CNTNAP5: variants seen among roughly 807,000 people sequenced by gnomAD.
The protein encoded by CNTNAP5 is contactin associated protein family member 5.
CNTNAP5 carries 72 observed loss-of-function variants against 150.2 expected under a neutral mutation model. The observed-to-expected ratio is 0.48, with a 90% CI of 0.40 to 0.58. The LOEUF is 0.58. Ranked by LOEUF, CNTNAP5 falls within the 20% of genes least tolerant of loss-of-function variation. CNTNAP5 has a pLI of 0.00. For missense variants in CNTNAP5, 1,636 were observed against 1,626.2 expected (o/e 1.01, Z -0.10); for synonymous variants, 672 against 619.8 (o/e 1.08, Z -1.25).
At chr2:124,319,793 G>T (rs1457941577) in intron 3 of CNTNAP5, among the ~76,000 whole-genome samples, 1 of 152,144 alleles carries the variant, frequency 6.6e-6, no homozygotes, top group African/African-American at 2.4e-5. Context: ...ATTCAGAAAG[G>T]AAGGGGGTTG....
intron 12 of CNTNAP5, among the ~76,000 whole-genome samples, chr2:124,632,431 T>C (rs962184823): frequency 2.0e-5 from 3 of 152,092 alleles, no homozygotes; most frequent in Non-Finnish European, 4.4e-5. Flanking sequence ...AAAGCTGTTA[T>C]CCTCAGCAAA....
At chr2:124,336,098 G>A (rs910685435) in intron 3 of CNTNAP5, among the ~76,000 whole-genome samples, 1 of 151,952 alleles carries the variant, frequency 6.6e-6, no homozygotes, top group Non-Finnish European at 1.5e-5. Flanking sequence ...TTTTTTATGA[G>A]AAATGAATGG....
chr2:124,281,276 T>C lies in CNTNAP5; in HGVS notation c.381+38883T>C, dbSNP rs537119591. On this transcript the variant is annotated intron_variant, in intron 3 of 23. Transcript: ENST00000682447. ...CCTTCTCCTGCCTCATTAGAGAAAA[T>C]TGGTATGAAGATTAAAAGAAGTCTA... is the stretch of plus-strand genomic sequence containing the variant. Among the ~76,000 whole-genome samples the C allele has an allele frequency of 5.3e-5, 8 of 152,102 alleles. No homozygotes were observed. The South Asian group carries it at 1.7e-3, about 32-fold the overall frequency.
intron 6 of CNTNAP5, among the ~76,000 whole-genome samples, chr2:124,452,976 C>A (rs181526557): frequency 1.4e-4 from 21 of 152,180 alleles, no homozygotes; most frequent in African/African-American, 4.6e-4. Context: ...TTCTTTAACA[C>A]CCCCCAAAAA....
chr2:124,035,781 C>T (rs953196220), intron 1 of CNTNAP5, among the ~76,000 whole-genome samples: 2 of 152,150 alleles, frequency 1.3e-5, no homozygotes, highest in Non-Finnish European at 2.9e-5. Flanking sequence ...ATCCCAGGGG[C>T]AAAGGCTTCA....
At chr2:124,284,074 G>A (rs546388251) in intron 3 of CNTNAP5, among the ~76,000 whole-genome samples, 69 of 152,194 alleles carry the variant, frequency 4.5e-4, no homozygotes, top group African/African-American at 1.3e-3. Flanking sequence ...GAGAATATGC[G>A]GTGTTTGGTT....
In CNTNAP5 at chr2:124,563,261, C is replaced by T. The variant is rs1328828914; in HGVS notation, c.1694C>T (p.Ser565Phe). ...YCEHGGSCSQ[S>F]WTTFYCNCSD... ...GAACATGGAGGAAGCTGCTCCCAGT[C>T]CTGGACTACCTTCTATTGTAACTGC... Residue 565 changes from serine to phenylalanine, a missense_variant, in exon 11 of 24, where the codon TCC becomes TTC. Transcript: ENST00000682447. 8 of 1,592,380 alleles carry T rather than the reference C, an allele frequency of 5.0e-6. No individual in the cohort carries two copies. Among genetic ancestry groups the T allele is most frequent in the Non-Finnish European group, 6.8e-6 (8 of 1,168,656 alleles).
At chr2:124,707,741 A>G (rs1679721982) in intron 13 of CNTNAP5, among the ~76,000 whole-genome samples, 1 of 152,116 alleles carries the variant, frequency 6.6e-6, no homozygotes, top group African/African-American at 2.4e-5. Flanking sequence ...TTTCTGTAAA[A>G]TGGGCATCTC....
At chr2:124,891,555 A>G (rs1027571165) in intron 21 of CNTNAP5, among the ~76,000 whole-genome samples, 1 of 152,128 alleles carries the variant, frequency 6.6e-6, no homozygotes, top group African/African-American at 2.4e-5. Flanking sequence ...CCCAAAAGAT[A>G]TCATGTAATC....
intron 11 of CNTNAP5, among the ~76,000 whole-genome samples, chr2:124,591,721 T>C (rs1696687668): frequency 6.6e-6 from 1 of 152,128 alleles, no homozygotes; most frequent in African/African-American, 2.4e-5. Context: ...GGTGGGAACA[T>C]TTATGGTGTC....
intron 1 of CNTNAP5, among the ~76,000 whole-genome samples, chr2:124,171,830 GAATA>G (rs1482830352): frequency 6.6e-6 from 1 of 152,128 alleles, no homozygotes; most frequent in Non-Finnish European, 1.5e-5. Flanking sequence ...CAGCAAATAG[GAATA>G]CTATGACTCC....
intron 11 of CNTNAP5, among the ~76,000 whole-genome samples, chr2:124,601,862 G>A (rs1248525340): frequency 1.3e-5 from 2 of 152,136 alleles, no homozygotes; most frequent in African/African-American, 4.8e-5. Context: ...CACAAAGCTT[G>A]AATGGATCTC....
At chr2:124,401,018 C>T (rs1396895442) in intron 3 of CNTNAP5, among the ~76,000 whole-genome samples, 2 of 152,210 alleles carry the variant, frequency 1.3e-5, no homozygotes, top group African/African-American at 2.4e-5. Context: ...ATTACAGACA[C>T]GTGCCACCAC....
chr2:124,245,233 T>C (rs1686987896), intron 3 of CNTNAP5, among the ~76,000 whole-genome samples: 1 of 152,146 alleles, frequency 6.6e-6, no homozygotes, highest in Non-Finnish European at 1.5e-5. Context: ...TCTAAAACCC[T>C]CTAGGCTTTC....
At chr2:124,083,619 T>A (rs1160824125) in intron 1 of CNTNAP5, among the ~76,000 whole-genome samples, 1 of 152,118 alleles carries the variant, frequency 6.6e-6, no homozygotes, top group East Asian at 1.9e-4. Context: ...TTGTCCATAT[T>A]TTTGTGGGTT....
chr2:124,483,549 A>G (rs771713246), intron 7 of CNTNAP5, among the ~76,000 whole-genome samples: 5 of 152,194 alleles, frequency 3.3e-5, no homozygotes, highest in Non-Finnish European at 5.9e-5. Context: ...ACCACAGGGT[A>G]GGGCAGTGGG....
chr2:124,061,910 T>C (rs1213940), intron 1 of CNTNAP5, among the ~76,000 whole-genome samples: 130,809 of 152,128 alleles, frequency 0.86, 56,369 homozygotes, highest in Non-Finnish European at 0.89. Flanking sequence ...TCCCTCTTCA[T>C]GATCCTACTA....
intron 8 of CNTNAP5, among the ~76,000 whole-genome samples, chr2:124,516,663 T>C (rs541839847): frequency 3.9e-5 from 6 of 152,312 alleles, no homozygotes; most frequent in African/African-American, 1.2e-4. Context: ...GTGGCTGTCA[T>C]GGCCTAGGGT....
At chr2:124,591,384 G>A (rs769606102) in intron 11 of CNTNAP5, among the ~76,000 whole-genome samples, 1 of 152,120 alleles carries the variant, frequency 6.6e-6, no homozygotes, top group Non-Finnish European at 1.5e-5. Context: ...AGGTATTGCA[G>A]AGAACAAAGA....
Sources: gnomAD v4.1 joint callset for allele counts (sites outside exome capture counted in the v4.1 genomes callset) on GRCh38, gnomAD v4.1.1 for gene constraint, MANE v1.5 for transcripts, NCBI Gene and HGNC (gene_info 2026-07-23, HGNC 2026-07-21) for gene names.